ZFP28: variants seen among roughly 807,000 people sequenced by gnomAD.
The protein encoded by ZFP28 is ZFP28 zinc finger protein, also known as zinc finger protein 28 homolog.
In ZFP28, 31 loss-of-function variants were observed where a neutral mutation model predicts 39.5. That is an observed-to-expected ratio of 0.79 (90% CI 0.59 to 1.06). The LOEUF is 1.06. Among genes scored for constraint, ZFP28 ranks in the 50% least tolerant of loss-of-function variants. The pLI, the probability that ZFP28 is intolerant of heterozygous loss-of-function variation, is 0.00. For synonymous variants in ZFP28, 400 were observed against 378.6 expected (o/e 1.06, Z -0.66); for missense variants, 925 against 1,048.4 (o/e 0.88, Z 1.63).
intron 7 of ZFP28, chr19:56,553,035 C>T (rs2044319115): frequency 6.6e-6 from 1 of 152,152 alleles, no homozygotes; most frequent in Non-Finnish European, 1.5e-5. Flanking sequence ...GCAAACATTT[C>T]ACCATGTATA....
chr19:56,550,215 C>G (rs371258864), intron 6 of ZFP28, 34 bp downstream of exon 6: 1 of 1,556,852 alleles, frequency 6.4e-7, no homozygotes, highest in Non-Finnish European at 8.8e-7. Flanking sequence ...TTGAATCTAT[C>G]GTCGGGTACC....
chr19:56,540,477 G>A (rs1463646246), intron 2 of ZFP28, among the ~76,000 whole-genome samples: 1 of 152,110 alleles, frequency 6.6e-6, no homozygotes. Context: ...TTCCACTGAG[G>A]CCTCAAAAAA....
At chr19:56,552,063 T>C in intron 7 of ZFP28, 1 of 851,252 alleles carries the variant, frequency 1.2e-6, no homozygotes, top group African/African-American at 1.8e-5. Context: ...ATAGTTCTAT[T>C]TCATTTTTAA....
At chr19:56,539,497 A>G (rs540825840) in intron 1 of ZFP28, 128 bp from the exon 2 acceptor site, 4 of 814,594 alleles carry the variant, frequency 4.9e-6, no homozygotes, top group Non-Finnish European at 7.7e-6. Context: ...ACCTATCTCC[A>G]CGTTGTGGCA....
At chr19:56,539,786 T>A (rs1189023686) in intron 2 of ZFP28, 70 bp downstream of exon 2, 5 of 1,443,514 alleles carry the variant, frequency 3.5e-6, no homozygotes, top group Non-Finnish European at 4.8e-6. Context: ...TTGCTTATTT[T>A]CTTGAAAGTT....
chr19:56,539,150 G>T lies in ZFP28; in HGVS notation c.132G>T (p.Arg44=), dbSNP rs754013150. The part of the protein sequence containing the change: ...GTPATLALPA[R]GRPRSRNGLA... Reference sequence around the variant, plus strand: ...CAGCCACCTTGGCCCTCCCTGCCCGGGGAAGGCCGCGCTCAAGGAATGGCC... The same window carrying T: ...CAGCCACCTTGGCCCTCCCTGCCCGTGGAAGGCCGCGCTCAAGGAATGGCC... The change falls in exon 1 of 8, where the codon CGG becomes CGT. Residue 44 remains arginine (R), a synonymous_variant. Transcript: ENST00000301318. The T allele has an allele frequency of 1.3e-6, 2 of 1,597,646 alleles. No individual in the cohort carries two copies. The highest frequency in any genetic ancestry group is 2.7e-5 in the African/African-American group (2 of 74,796).
In ZFP28 at chr19:56,539,166, A is replaced by G. The variant is rs780660882; in HGVS notation, c.148A>G (p.Arg50Gly). The G allele has an allele frequency of 6.9e-6, 11 of 1,601,874 alleles. No homozygotes were observed. The highest frequency in any genetic ancestry group is 9.3e-6 in the Non-Finnish European group (11 of 1,177,522). The change falls in exon 1 of 8, where the codon AGG becomes GGG. Residue 50 changes from arginine (R) to glycine (G), a missense_variant. By Grantham distance (125) the Arg-to-Gly change is moderately radical. This residue lies in a region of ZFP28 where 556 missense variants were observed against 542.9 expected (regional missense o/e 1.02). Coordinates refer to ENST00000301318, the MANE Select transcript of ZFP28 (RefSeq NM_020828.2). ...CCCTGCCCGGGGAAGGCCGCGCTCA[A>G]GGAATGGCCTCGCATCCAAAGGCCA... Reference protein sequence around the residue: ...ALPARGRPRSRNGLASKGQRG... With the variant: ...ALPARGRPRSGNGLASKGQRG...
chr19:56,542,316 G>T (rs190722569), intron 2 of ZFP28, among the ~76,000 whole-genome samples: 1 of 152,040 alleles, frequency 6.6e-6, no homozygotes, highest in Non-Finnish European at 1.5e-5. Context: ...ACCATGCCCA[G>T]CTAATTTTTG....
intron 5 of ZFP28, 96 bp downstream of exon 5, chr19:56,549,217 A>G (rs1041167995): frequency 1.4e-6 from 2 of 1,407,334 alleles, no homozygotes; most frequent in Non-Finnish European, 1.9e-6. Context: ...CTATAAGAGA[A>G]GTTTTCATTT....
rs146424874 is a variant in ZFP28, at chr19:56,547,876, G to A, written c.497G>A (p.Arg166Gln). The A allele has an allele frequency of 1.6e-4, 264 of 1,614,164 alleles. 3 individuals carry two copies. The East Asian group carries it at 5.8e-3, about 35-fold the overall frequency. The change falls in exon 4 of 8, where the codon CGA (arginine) becomes CAA (glutamine). Residue 166 changes from arginine (R) to glutamine (Q), a missense_variant. By Grantham distance (43) the Arg-to-Gln change is conservative (BLOSUM62 1). This residue lies in a region of ZFP28 where 556 missense variants were observed against 542.9 expected (regional missense o/e 1.02). Transcript: ENST00000301318. The surrounding 1 kb of genome is among the most constrained non-coding windows in gnomAD (Gnocchi z 4.6). ...GGAAAAGAGCCTTGGACAGTGAAGCGAAAGATGACAAGAGCCTGGTGCCCA... is the reference window on the plus strand; with the variant it reads ...GGAAAAGAGCCTTGGACAGTGAAGCAAAAGATGACAAGAGCCTGGTGCCCA... ...EQGKEPWTVK[R>Q]KMTRAWCPDL...
At chr19:56,542,978 T>TG (rs1039213373) in intron 2 of ZFP28, among the ~76,000 whole-genome samples, 1 of 152,286 alleles carries the variant, frequency 6.6e-6, no homozygotes, top group African/African-American at 2.4e-5. Flanking sequence ...TCTTGCCTCA[T>TG]GGATTAAGGT....
intron 7 of ZFP28, chr19:56,551,498 T>C: frequency 1.0e-6 from 1 of 984,926 alleles, no homozygotes; most frequent in Non-Finnish European, 1.2e-6. Flanking sequence ...TTGCTTTACA[T>C]TTCTTAGTAT....
upstream of ZFP28, among the ~76,000 whole-genome samples, chr19:56,538,765 T>TGAGGG (rs764232198): frequency 5.7e-5 from 2 of 34,966 alleles, no homozygotes; most frequent in Admixed American, 2.6e-4. Flanking sequence ...TTCTCTAGGC[T>TGAGGG]GAGGGGCGGG....
chr19:56,545,285 C>G (rs1341086297), intron 2 of ZFP28, among the ~76,000 whole-genome samples: 1 of 152,198 alleles, frequency 6.6e-6, no homozygotes, highest in Non-Finnish European at 1.5e-5. Context: ...ATTCAACTCC[C>G]TCTGCAGTTG....
chr19:56,540,917 T>TATTC (rs111799212), intron 2 of ZFP28, among the ~76,000 whole-genome samples: 1 of 151,462 alleles, frequency 6.6e-6, no homozygotes, highest in Non-Finnish European at 1.5e-5. Flanking sequence ...CCACAGTTCT[T>TATTC]ACCTCCGTGA....
chr19:56,550,515 T>C lies in ZFP28; in HGVS notation c.808T>C (p.Cys270Arg). 5 of 1,613,712 alleles carry C rather than the reference T, an allele frequency of 3.1e-6. No individual in the cohort carries two copies. Among genetic ancestry groups the C allele is most frequent in the Non-Finnish European group, 3.4e-6 (4 of 1,179,898 alleles). Residue 270 changes from cysteine to arginine, a missense_variant, in exon 7 of 8, where the codon TGT (cysteine) becomes CGT (arginine). Coordinates refer to ENST00000301318, the MANE Select transcript of ZFP28 (RefSeq NM_020828.2). ...NNSDLGSAGHCVAKPDLVSLL... is the reference protein window; with the variant it reads ...NNSDLGSAGHRVAKPDLVSLL... ...ATCTCTTTTCACTTTTTCAGGACAT[T>C]GTGTGGCTAAGCCAGATTTAGTCTC... is the stretch of plus-strand genomic sequence containing the variant.
intron 4 of ZFP28, chr19:56,548,466 A>G (rs571320794): frequency 6.7e-6 from 1 of 149,834 alleles, no homozygotes; most frequent in Non-Finnish European, 1.5e-5. Flanking sequence ...GCATCGTAAT[A>G]AAAAAAAAGG....
intron 2 of ZFP28, 89 bp downstream of exon 2, chr19:56,539,805 A>G (rs2044179086): frequency 8.1e-7 from 1 of 1,239,912 alleles, no homozygotes. Flanking sequence ...TTTTCAGTTT[A>G]AGAGACCTGT....
At chr19:56,548,752 G>C (rs1342825106) in intron 4 of ZFP28, among the ~76,000 whole-genome samples, 1 of 152,146 alleles carries the variant, frequency 6.6e-6, no homozygotes. Context: ...TTAGGACTAT[G>C]GCTACACAAA....
Sources: gnomAD v4.1 joint callset for allele counts (sites outside exome capture counted in the v4.1 genomes callset) on GRCh38, gnomAD v4.1.1 for gene constraint, gnomAD v4.1.1 regional missense constraint, Gnocchi (gnomAD v3.1) non-coding constraint, MANE v1.5 for transcripts, NCBI Gene and HGNC (gene_info 2026-07-23, HGNC 2026-07-21) for gene names.